RANBP17: variants seen among roughly 807,000 people sequenced by gnomAD.
RANBP17 encodes RAN binding protein 17.
A neutral mutation model predicts 141.2 loss-of-function variants in RANBP17; 158 were observed. The observed-to-expected ratio is 1.12, with a 90% CI of 0.98 to 1.28. The LOEUF is 1.28. Among genes scored for constraint, RANBP17 ranks in the 50% most tolerant of loss-of-function variants. The probability of loss-of-function intolerance (pLI) is 0.00; values close to 1 mark genes in which losing one functional copy is unlikely to be tolerated. For synonymous variants in RANBP17, 430 were observed against 450.0 expected, an observed-to-expected ratio of 0.96 and a Z score of 0.56; for missense variants, 1,438 against 1,290.7, an observed-to-expected ratio of 1.11 and a Z score of -1.75.
In RANBP17 at chr5:170,878,097, A is replaced by G. The variant is rs1440554721; in HGVS notation, c.19A>G (p.Ser7Gly). 8 of 1,542,052 alleles carry G rather than the reference A, an allele frequency of 5.2e-6. No homozygotes were observed. The African/African-American group carries it at 5.6e-5, about 11-fold the overall frequency. The change falls in exon 2 of 28, where the codon AGT becomes GGT. Residue 7 changes from serine (S) to glycine (G), a missense_variant and splice_region_variant. Transcript: ENST00000523189. ...AATGTTAATTTTTTTTTCTTTGAAGAGTTTGGCTGAATTGGAAGTGTTATG... is the reference window on the plus strand; with the variant it reads ...AATGTTAATTTTTTTTTCTTTGAAGGGTTTGGCTGAATTGGAAGTGTTATG... MALHFQ[S>G]LAELEVLCTH...
chr5:171,206,431 G>C (rs1029336912), intron 20 of RANBP17: 1 of 153,434 alleles, frequency 6.5e-6, no homozygotes, highest in Non-Finnish European at 1.5e-5. Context: ...TAATAGTGTT[G>C]TATGACTTAT....
chr5:171,064,171 G>A (rs905540668), intron 14 of RANBP17, among the ~76,000 whole-genome samples: 3 of 152,162 alleles, frequency 2.0e-5, no homozygotes, highest in Non-Finnish European at 4.4e-5. Flanking sequence ...TGCACCCACT[G>A]TCCTGCGCCC....
At chr5:171,138,969 T>G (rs1383157213) in intron 14 of RANBP17, among the ~76,000 whole-genome samples, 1 of 152,078 alleles carries the variant, frequency 6.6e-6, no homozygotes, top group Non-Finnish European at 1.5e-5. Flanking sequence ...GCCAGCTACT[T>G]GAGAGACTGA....
At chr5:170,986,181 A>C (rs1778129562) in intron 14 of RANBP17, among the ~76,000 whole-genome samples, 1 of 152,050 alleles carries the variant, frequency 6.6e-6, no homozygotes, top group South Asian at 2.1e-4. Context: ...CTTGCATATA[A>C]ACCACAAGTT....
At chr5:170,903,059 G>A (rs1012946323) in intron 5 of RANBP17, among the ~76,000 whole-genome samples, 42 of 152,326 alleles carry the variant, frequency 2.8e-4, no homozygotes, top group Admixed American at 2.1e-3. Flanking sequence ...CTTCAGAGCT[G>A]GCAAGGAGGA....
chr5:170,897,303 AT>A, intron 5 of RANBP17: 1 of 616,194 alleles, frequency 1.6e-6, no homozygotes, highest in Non-Finnish European at 3.2e-6. Flanking sequence ...TTTATAATAC[AT>A]TCCGTGGGAG....
chr5:171,147,324 C>A (rs1471407371), intron 14 of RANBP17, among the ~76,000 whole-genome samples: 2 of 96,696 alleles, frequency 2.1e-5, no homozygotes, highest in African/African-American at 3.5e-5. Flanking sequence ...ATGTAATCAT[C>A]TTTTCTTGGT....
At chr5:171,055,762 G>A (rs115445924) in intron 14 of RANBP17, among the ~76,000 whole-genome samples, 4,456 of 151,192 alleles carry the variant, frequency 0.029, 89 homozygotes, top group South Asian at 0.052. Context: ...TATGAGGCCA[G>A]TTTTCCCAAG....
rs1482370398 is a variant in RANBP17 at position 171,293,903 on chromosome 5, C to T, written c.2964C>T (p.Asn988=). Residue 988 remains asparagine (N), a synonymous_variant, in exon 26 of 28, where the codon AAC becomes AAT. Coordinates refer to ENST00000523189, the MANE Select transcript of RANBP17 (RefSeq NM_022897.5). ...VLQQMMSVLM[N]TIVFEDCRNQ... is the part of the protein sequence containing the mutation. ...TCTAGATGATGTCTGTCCTCATGAA[C>T]ACCATTGTCTTTGAAGACTGTCGGA... 2.5e-6 allele frequency: 4 copies of T among 1,613,378 alleles called. No individual in the cohort carries two copies. The East Asian group carries it at 8.9e-5, about 36-fold the overall frequency.
intron 13 of RANBP17, among the ~76,000 whole-genome samples, chr5:170,958,335 T>G (rs1274515165): frequency 6.6e-6 from 1 of 152,158 alleles, no homozygotes; most frequent in Non-Finnish European, 1.5e-5. Flanking sequence ...TGTCTCTCTT[T>G]TCTGGGAAGA....
At chr5:171,180,344 C>T (rs546061414) in intron 16 of RANBP17, among the ~76,000 whole-genome samples, 2 of 152,278 alleles carry the variant, frequency 1.3e-5, no homozygotes, top group Admixed American at 6.5e-5. Context: ...GGATTTGAAT[C>T]GTGACTCTTC....
chr5:170,911,472 T>G (rs987358971), intron 7 of RANBP17: 1 of 684,054 alleles, frequency 1.5e-6, no homozygotes, highest in Non-Finnish European at 2.8e-6. Flanking sequence ...TTATGATCAT[T>G]TTCAGGTGCT....
At chr5:171,251,050 C>G (rs975272412) in intron 24 of RANBP17, among the ~76,000 whole-genome samples, 1 of 152,206 alleles carries the variant, frequency 6.6e-6, no homozygotes, top group Non-Finnish European at 1.5e-5. Context: ...ATGGAACATT[C>G]TCTAGGATAG....
chr5:171,128,649 G>A (rs779669), intron 14 of RANBP17, among the ~76,000 whole-genome samples: 108,829 of 151,986 alleles, frequency 0.72, 39,178 homozygotes, highest in South Asian at 0.89. Flanking sequence ...GATAGCTACA[G>A]GAGAGGATTT....
At chr5:170,948,717 C>T (rs1774966995) in intron 12 of RANBP17, among the ~76,000 whole-genome samples, 1 of 152,138 alleles carries the variant, frequency 6.6e-6, no homozygotes, top group African/African-American at 2.4e-5. Flanking sequence ...TCCTAAAGTT[C>T]ATATGGAAAT....
intron 14 of RANBP17, among the ~76,000 whole-genome samples, chr5:171,029,687 C>A (rs776237359): frequency 1.6e-4 from 25 of 152,040 alleles, no homozygotes; most frequent in Non-Finnish European, 2.9e-4. Context: ...TGCTATCTTA[C>A]AACTTGGGAA....
chr5:170,915,433 A>G (rs140999517), intron 8 of RANBP17, among the ~76,000 whole-genome samples: 371 of 152,270 alleles, frequency 2.4e-3, no homozygotes, highest in African/African-American at 8.2e-3. Flanking sequence ...ATTGAAACAC[A>G]GGTCTTTTTT....
At chr5:170,955,650 A>G (rs371269504) in intron 13 of RANBP17, among the ~76,000 whole-genome samples, 640 of 10,970 alleles carry the variant, frequency 0.058, 85 homozygotes, top group South Asian at 0.2. Flanking sequence ...TGCTCAGTGT[A>G]TATATATATA....
chr5:170,921,094 A>G (rs1772418882), intron 11 of RANBP17, among the ~76,000 whole-genome samples: 1 of 152,088 alleles, frequency 6.6e-6, no homozygotes, highest in African/African-American at 2.4e-5. Context: ...CTTTAGTTTA[A>G]TTAGATCCCA....
Sources: allele counts gnomAD v4.1 joint callset (sites outside exome capture counted in the v4.1 genomes callset), GRCh38; gene constraint gnomAD v4.1.1; transcripts MANE v1.5; gene names NCBI Gene and HGNC (gene_info 2026-07-23, HGNC 2026-07-21).